The following M1AP variants were observed in gnomAD, a reference collection of about 807,000 sequenced individuals.
M1AP encodes the protein meiosis 1 arrest protein.
M1AP carries 39 observed loss-of-function variants against 51.2 expected under a neutral mutation model. That is an observed-to-expected ratio of 0.76 (90% CI 0.59 to 1.00). The LOEUF (loss-of-function observed/expected upper bound fraction) is 1.00, where lower values mean the gene tolerates loss of function less well. M1AP is among the 50% of genes least tolerant of loss of function. The probability of loss-of-function intolerance (pLI) is 0.00; values close to 1 mark genes in which losing one functional copy is unlikely to be tolerated. For missense variants in M1AP, 545 were observed against 641.2 expected, an observed-to-expected ratio of 0.85 and a Z score of 1.62; for synonymous variants, 251 against 249.2, an observed-to-expected ratio of 1.01 and a Z score of -0.07.
At chr2:74,564,180 A>G (rs972547736) in intron 7 of M1AP, among the ~76,000 whole-genome samples, 17 of 152,252 alleles carry the variant, frequency 1.1e-4, no homozygotes, top group African/African-American at 4.1e-4. Flanking sequence ...AAAGTGACAC[A>G]GTGAGACAGA....
intron 5 of M1AP, among the ~76,000 whole-genome samples, chr2:74,577,673 A>G (rs1679157897): frequency 6.6e-6 from 1 of 152,222 alleles, no homozygotes; most frequent in Non-Finnish European, 1.5e-5. Context: ...TGAATAAGAC[A>G]TTCATTCTGG....
At chr2:74,639,974 T>A (rs1468445518) in intron 2 of M1AP, 62 bp downstream of exon 2, 2 of 1,412,414 alleles carry the variant, frequency 1.4e-6, no homozygotes, top group African/African-American at 2.9e-5. Flanking sequence ...TGATCTCTAT[T>A]CCAGAAACCT....
chr2:74,648,098 T>G, intron 1 of M1AP, 167 bp downstream of exon 1: 2 of 985,002 alleles, frequency 2.0e-6, no homozygotes, highest in Non-Finnish European at 2.4e-6. Flanking sequence ...CGACAGCGAT[T>G]TCGGAGCCTC....
intron 3 of M1AP, among the ~76,000 whole-genome samples, chr2:74,608,330 G>A (rs928219924): frequency 6.6e-6 from 1 of 152,122 alleles, no homozygotes; most frequent in Non-Finnish European, 1.5e-5. Flanking sequence ...TATAGTTGGG[G>A]ATATATATGC....
At chr2:74,578,053 T>TA (rs1352485533) in intron 5 of M1AP, among the ~76,000 whole-genome samples, 1 of 152,238 alleles carries the variant, frequency 6.6e-6, no homozygotes, top group Non-Finnish European at 1.5e-5. Flanking sequence ...TTTGGGCTTC[T>TA]ATGAGAATCT....
intron 1 of M1AP, chr2:74,647,438 C>T (rs777356724): frequency 7.1e-6 from 7 of 981,094 alleles, no homozygotes; most frequent in Non-Finnish European, 8.5e-6. Context: ...TTTCGTGGGC[C>T]CTAAGGCACT....
intron 7 of M1AP, among the ~76,000 whole-genome samples, chr2:74,565,395 C>T (rs1678309032): frequency 6.6e-6 from 1 of 152,128 alleles, no homozygotes; most frequent in Non-Finnish European, 1.5e-5. Context: ...AATTTAGCAA[C>T]ATATAAAATG....
At chr2:74,605,803 AGGCAGGAGAAT>A (rs1680941337) in intron 4 of M1AP, among the ~76,000 whole-genome samples, 1 of 151,860 alleles carries the variant, frequency 6.6e-6, no homozygotes, top group Non-Finnish European at 1.5e-5. Flanking sequence ...CAGGAGGCCG[AGGCAGGAGAAT>A]GGCATGAACC....
intron 7 of M1AP, among the ~76,000 whole-genome samples, chr2:74,569,665 G>A (rs922490628): frequency 5.9e-5 from 9 of 151,578 alleles, no homozygotes; most frequent in African/African-American, 2.2e-4. Context: ...GTGAGTCACT[G>A]TGCCCAGCCC....
Position 74,558,773 on chromosome 2 carries a change from A to C in M1AP, c.1536T>G (p.Ser512=). The change falls in exon 11 of 11, where the codon TCT becomes TCG. Residue 512 remains serine, a synonymous_variant. Coordinates refer to ENST00000421985, the MANE Select transcript of M1AP (RefSeq NM_001321739.2). ...AAGGCAGGAAGAAGGCATCTGAGGAAGATTTGCTGGCTGCTGGCATCTTGG... is the reference window on the plus strand; with the variant it reads ...AAGGCAGGAAGAAGGCATCTGAGGACGATTTGCTGGCTGCTGGCATCTTGG... ...RASKMPAASK[S]SSDAFFLPSE... The C allele has an allele frequency of 6.2e-7, 1 of 1,612,164 alleles. No homozygotes were observed. Among genetic ancestry groups the C allele is most frequent in the Non-Finnish European group, 8.5e-7 (1 of 1,179,304 alleles).
At position 74,576,570 on chromosome 2, in the gene M1AP, A is replaced by G. The variant is rs761708409; in HGVS notation, c.818T>C (p.Leu273Pro). The change falls in exon 6 of 11, where the codon CTC becomes CCC. Residue 273 changes from leucine (L) to proline (P), a missense_variant. Leu to Pro is a moderately conservative substitution (Grantham distance 98, BLOSUM62 -3). Transcript: ENST00000421985. The stretch of plus-strand genomic sequence containing the variant: ...CAAGGAGCCGTCAGCTGTGCCAGCG[A>G]GTAGGGATGGGCAGAGCAGTCGCTC... ...LQERLLCPSL[L>P]AGTADGSLRM... 2.5e-6 allele frequency: 4 copies of G among 1,614,040 alleles called. No homozygotes were observed. The highest frequency in any genetic ancestry group is 2.7e-5 in the African/African-American group (2 of 74,932).
intron 2 of M1AP, among the ~76,000 whole-genome samples, chr2:74,617,914 G>C (rs1363661395): frequency 6.6e-6 from 1 of 152,172 alleles, no homozygotes; most frequent in Non-Finnish European, 1.5e-5. Context: ...TGCTTAGTCT[G>C]TGCACATGTC....
At chr2:74,610,701 G>A (rs1455948814) in intron 3 of M1AP, among the ~76,000 whole-genome samples, 1 of 152,008 alleles carries the variant, frequency 6.6e-6, no homozygotes, top group Non-Finnish European at 1.5e-5. Context: ...CTCTTACCTT[G>A]GCTCCCAAAG....
chr2:74,585,583 A>G (rs1339695894), intron 4 of M1AP, among the ~76,000 whole-genome samples: 1 of 152,114 alleles, frequency 6.6e-6, no homozygotes, highest in African/African-American at 2.4e-5. Flanking sequence ...TTCTTAACCT[A>G]CATGTTCTTG....
At chr2:74,571,046 T>C (rs1276742736) in intron 7 of M1AP, among the ~76,000 whole-genome samples, 1 of 152,148 alleles carries the variant, frequency 6.6e-6, no homozygotes. Context: ...TAATACGTGA[T>C]TGAGTATTGA....
intron 7 of M1AP, among the ~76,000 whole-genome samples, chr2:74,572,249 T>C (rs1678790357): frequency 6.6e-6 from 1 of 152,192 alleles, no homozygotes; most frequent in Admixed American, 6.5e-5. Flanking sequence ...ACATCCAGAG[T>C]AGGGAATTTA....
chr2:74,636,335 C>G (rs1160453233), intron 2 of M1AP, among the ~76,000 whole-genome samples: 1 of 151,924 alleles, frequency 6.6e-6, no homozygotes, highest in South Asian at 2.1e-4. Flanking sequence ...TTACTTTCAG[C>G]CTACATTTAA....
At chr2:74,579,140 G>T (rs890804176) in intron 5 of M1AP, among the ~76,000 whole-genome samples, 15 of 152,202 alleles carry the variant, frequency 9.9e-5, no homozygotes, top group Admixed American at 7.9e-4. Flanking sequence ...ATTATAGATG[G>T]AGTTAAATAT....
chr2:74,559,659 C>A lies in M1AP; in HGVS notation c.1434+39G>T. ...GTCCTCTCAAGTTACTAATCTTGGT[C>A]AGCCTCCTTTCCTCATCTGTAAATG... On this transcript the variant is annotated intron_variant, in intron 10 of 10. Coordinates refer to ENST00000421985, the MANE Select transcript of M1AP (RefSeq NM_001321739.2). 3 of 718,276 alleles carry A rather than the reference C, an allele frequency of 4.2e-6. No homozygotes were observed. In the South Asian group the frequency reaches 4.4e-5, roughly 11 times the overall value. 44.5% of individuals were successfully genotyped at this position (718,276 alleles called of 1,614,324 possible). A position where few individuals can be genotyped will look rare whatever the true frequency, so the allele number is the denominator to read the frequency against.
Sources: gnomAD v4.1 joint callset for allele counts (sites outside exome capture counted in the v4.1 genomes callset) on GRCh38, gnomAD v4.1.1 for gene constraint, MANE v1.5 for transcripts, NCBI Gene and HGNC (gene_info 2026-07-23, HGNC 2026-07-21) for gene names.